The following HOXA3 variants were observed in gnomAD, a reference collection of about 807,000 sequenced individuals.
HOXA3 encodes homeobox A3, also known as homeobox protein Hox-A3.
A neutral mutation model predicts 30.3 loss-of-function variants in HOXA3; 8 were observed. The ratio of observed to expected loss-of-function variants is 0.26; its 90% CI spans 0.15 to 0.48. HOXA3 has a LOEUF of 0.48. Among genes scored for constraint, HOXA3 ranks in the 20% least tolerant of loss-of-function variants. HOXA3 has a pLI of 0.99. For missense variants in HOXA3, 653 were observed against 614.4 expected (o/e 1.06, Z -0.66); for synonymous variants, 323 against 273.1 (o/e 1.18, Z -1.80).
intron 1 of HOXA3, chr7:27,142,791 G>T (rs1263222865): frequency 6.7e-6 from 3 of 450,878 alleles, no homozygotes; most frequent in Admixed American, 4.2e-5. Flanking sequence ...TTCCAGAGGG[G>T]TTTTTTGCTT....
chr7:27,144,574 G>A (rs1351722515), intron 1 of HOXA3, among the ~76,000 whole-genome samples: 1 of 152,186 alleles, frequency 6.6e-6, no homozygotes, highest in Non-Finnish European at 1.5e-5. Context: ...CAAGTCGGAG[G>A]GTTCTCCTTG....
At chr7:27,147,595 T>C (rs1381971850) in intron 1 of HOXA3, 7 of 1,614,094 alleles carry the variant, frequency 4.3e-6, no homozygotes, top group Non-Finnish European at 5.9e-6. Context: ...AGGTGAGGTG[T>C]ACGTCTTGTC....
At chr7:27,121,528 GCT>G (rs1188270635) in intron 4 of HOXA3, among the ~76,000 whole-genome samples, 1 of 152,070 alleles carries the variant, frequency 6.6e-6, no homozygotes, top group African/African-American at 2.4e-5. Context: ...CTTGACTATT[GCT>G]CTGTTTACCT....
intron 1 of HOXA3, chr7:27,146,032 G>A (rs918910237): frequency 9.8e-6 from 12 of 1,220,716 alleles, no homozygotes; most frequent in African/African-American, 3.0e-5. Flanking sequence ...CTCCACTCCA[G>A]CCTCTCCCAC....
At chr7:27,143,199 TGTG>T in intron 1 of HOXA3, 2 of 1,611,184 alleles carry the variant, frequency 1.2e-6, no homozygotes, top group Non-Finnish European at 8.5e-7. Flanking sequence ...CTGCTGCTGA[TGTG>T]GGTGCTGCCG....
chr7:27,130,114 G>A (rs780487194), intron 2 of HOXA3: 4 of 1,596,070 alleles, frequency 2.5e-6, no homozygotes, highest in South Asian at 1.1e-5. Context: ...GCGGCGCCAC[G>A]TACCGGCGCT....
At position 27,143,708 on chromosome 7, in the gene HOXA3, T is replaced by A. The variant is rs1782657083; in HGVS notation, c.-493-3522A>T. The A allele has an allele frequency of 2.7e-6, 4 of 1,471,982 alleles. 1 individual carries two copies. In the South Asian group the frequency reaches 5.7e-5, roughly 21 times the overall value. 91.2% of individuals were successfully genotyped at this position (1,471,982 alleles called of 1,614,324 possible). A position where few individuals can be genotyped will look rare whatever the true frequency, so the allele number is the denominator to read the frequency against. On this transcript the variant is annotated intron_variant, in intron 1 of 5. Transcript: ENST00000612286. The stretch of plus-strand genomic sequence containing the variant: ...ATGAATTATGGAAATGACTGGGACA[T>A]GTACTTGGTTCCCTCCTACGTAGGC...
At chr7:27,131,353 C>T (rs946397761) in intron 2 of HOXA3, among the ~76,000 whole-genome samples, 4 of 152,192 alleles carry the variant, frequency 2.6e-5, no homozygotes, top group South Asian at 2.1e-4. Flanking sequence ...GCAGATCCCC[C>T]TTCCCCACAC....
chr7:27,147,766 A>G (rs769054062), intron 1 of HOXA3: 8 of 1,595,082 alleles, frequency 5.0e-6, no homozygotes, highest in East Asian at 4.5e-5. Context: ...GCCCCTCTGC[A>G]GGACTGTGAT....
In HOXA3 at chr7:27,113,466, C is replaced by A. The variant is rs954815207; in HGVS notation, c.-120-2706G>T. ...AGAGGTGGGGGCGGGGATGGGAAAGCGGCCTGAACTCGAAGTGTAAGGGTA... is the reference window on the plus strand; with the variant it reads ...AGAGGTGGGGGCGGGGATGGGAAAGAGGCCTGAACTCGAAGTGTAAGGGTA... On this transcript the variant is annotated intron_variant, in intron 4 of 5. Transcript: ENST00000612286. This position sits in a 1 kb window ranked among gnomAD's most constrained non-coding sequence, Gnocchi z 4.8. Among the ~76,000 whole-genome samples the A allele has an allele frequency of 6.6e-6, 1 of 152,142 alleles. No homozygotes were observed. Among genetic ancestry groups the A allele is most frequent in the South Asian group, 2.1e-4 (1 of 4,820 alleles).
chr7:27,142,210 G>T (rs1289468594), intron 1 of HOXA3: 23 of 961,220 alleles, frequency 2.4e-5, no homozygotes, highest in Non-Finnish European at 3.3e-5. Context: ...CTACCAGCCC[G>T]CACACCCCTC....
intron 2 of HOXA3, among the ~76,000 whole-genome samples, chr7:27,130,981 C>CCG (rs1159196076): frequency 2.0e-5 from 3 of 152,032 alleles, no homozygotes; most frequent in Admixed American, 6.5e-5. Context: ...AATGGGCGCA[C>CCG]CGCGCGCGCG....
chr7:27,136,308 T>C (rs1389689751), intron 2 of HOXA3, among the ~76,000 whole-genome samples: 1 of 152,278 alleles, frequency 6.6e-6, no homozygotes. Context: ...TTTGTGACTG[T>C]ACTTTTTGTT....
intron 1 of HOXA3, chr7:27,145,871 CGT>C: frequency 6.2e-7 from 1 of 1,614,064 alleles, no homozygotes; most frequent in Non-Finnish European, 8.5e-7. Flanking sequence ...TCTGGTAGCG[CGT>C]GTAGGTCTGG....
intron 2 of HOXA3, chr7:27,130,542 G>C: frequency 7.3e-7 from 1 of 1,374,864 alleles, no homozygotes; most frequent in Non-Finnish European, 9.4e-7. Context: ...CTCGGCCGCC[G>C]CCCGCGTGAG....
chr7:27,137,397 G>A (rs977517150), intron 2 of HOXA3, among the ~76,000 whole-genome samples: 3 of 152,162 alleles, frequency 2.0e-5, no homozygotes, highest in Non-Finnish European at 4.4e-5. Context: ...GGGAACAAAC[G>A]AGCCCCCGCA....
rs1334148252 is a variant in HOXA3 at position 27,152,579 on chromosome 7, A to C, written c.-785T>G. On this transcript the variant is annotated 5_prime_UTR_variant, in exon 1 of 6. In the 5' UTR this introduces an upstream ATG that the reference lacks. Transcript: ENST00000612286. ...CAGGCAGGACGGAGCGGAGCAAAAG[A>C]ATGCGGCTCTATTCTCGCAAGGGAA... 2 of 1,191,960 alleles carry C rather than the reference A, an allele frequency of 1.7e-6. No individual in the cohort carries two copies. Among genetic ancestry groups the C allele is most frequent in the African/African-American group, 3.2e-5 (2 of 62,526 alleles). The allele number at this position is 1,191,960 out of a possible 1,614,324, so 73.8% of individuals were successfully genotyped here.
At chr7:27,139,316 G>A (rs1239442917) in intron 2 of HOXA3, among the ~76,000 whole-genome samples, 1 of 152,190 alleles carries the variant, frequency 6.6e-6, no homozygotes, top group African/African-American at 2.4e-5. Context: ...CCGGGTGCGG[G>A]GGAGGGGGTC....
intron 1 of HOXA3, chr7:27,147,893 G>C: frequency 1.3e-6 from 1 of 762,558 alleles, no homozygotes; most frequent in South Asian, 2.0e-5. Context: ...CGCGGCGGCG[G>C]CCAATGGGAG....
Sources: allele counts gnomAD v4.1 joint callset (sites outside exome capture counted in the v4.1 genomes callset), GRCh38; gene constraint gnomAD v4.1.1; non-coding constraint Gnocchi (gnomAD v3.1); transcripts MANE v1.5; gene names NCBI Gene and HGNC (gene_info 2026-07-23, HGNC 2026-07-21).